Variants in ANP32A observed in about 807,000 individuals in gnomAD.
ANP32A encodes acidic leucine-rich nuclear phosphoprotein 32 family member A.
Under a neutral mutation model 33.9 loss-of-function variants are expected in ANP32A, and 1 was observed. That is an observed-to-expected ratio of 0.03 (90% confidence interval 0.01 to 0.14). The LOEUF (loss-of-function observed/expected upper bound fraction) is 0.14, where lower values mean the gene tolerates loss of function less well. ANP32A is among the 10% of genes least tolerant of loss of function. The pLI, the probability that ANP32A is intolerant of heterozygous loss-of-function variation, is 1.00. For missense variants in ANP32A, 155 were observed against 306.0 expected (o/e 0.51, Z 3.68); for synonymous variants, 115 against 120.5 (o/e 0.95, Z 0.30).
At position 68,787,400 on chromosome 15, in the gene ANP32A, C is replaced by A. The variant is rs747350590; in HGVS notation, c.327+13G>T. 6.2e-7 allele frequency: 1 copy of A among 1,613,996 alleles called. No homozygotes were observed. Among genetic ancestry groups the A allele is most frequent in the Admixed American group, 1.7e-5 (1 of 60,002 alleles). Reference sequence around the variant, plus strand: ...CCTACCCCTGCAGGGAGGGGAGGGTCCGAATGACTTACCAGTGGCTCTATT... The same window carrying A: ...CCTACCCCTGCAGGGAGGGGAGGGTACGAATGACTTACCAGTGGCTCTATT... On this transcript the variant is annotated intron_variant, in intron 3 of 6. Transcript: ENST00000465139.
rs114502252 is a variant in ANP32A, at chr15:68,796,771, G to A, written c.55-8852C>T. On this transcript the variant is annotated intron_variant, in intron 1 of 6. Coordinates refer to ENST00000465139, the MANE Select transcript of ANP32A (RefSeq NM_006305.4). ...GCCGCTAACTTGCTGTGTGACCTTC[G>A]GGAAGTCACTACCACTCTCTGGGCT... Among the ~76,000 whole-genome samples, 1,000 of 152,274 alleles carry A rather than the reference G, an allele frequency of 6.6e-3. 16 individuals are homozygous for A. The highest frequency in any genetic ancestry group is 0.023 in the African/African-American group (955 of 41,556).
At chr15:68,800,754 A>AAAAAAAAAAG (rs769179889) in intron 1 of ANP32A, among the ~76,000 whole-genome samples, 1 of 149,344 alleles carries the variant, frequency 6.7e-6, no homozygotes, top group Non-Finnish European at 1.5e-5. Flanking sequence ...AAAAAAAAAA[A>AAAAAAAAAAG]AAAGAAAGAA....
At position 68,806,661 on chromosome 15, in the gene ANP32A, A is replaced by G. The variant is rs1894231560; in HGVS notation, c.54+14037T>C. 1.3e-5 allele frequency among the ~76,000 whole-genome samples: 2 copies of G among 152,232 alleles called. 1 individual carries two copies. The highest frequency in any genetic ancestry group is 4.1e-4 in the South Asian group (2 of 4,834). ...AACTGCTCATTATGGCTTCAGGCCA[A>G]CCTCTGCAGATAGGCTTCATCAGGC... is the stretch of plus-strand genomic sequence containing the variant. On this transcript the variant is annotated intron_variant, in intron 1 of 6. Transcript: ENST00000465139.
At chr15:68,815,345 G>A (rs1391422721) in intron 1 of ANP32A, among the ~76,000 whole-genome samples, 1 of 152,104 alleles carries the variant, frequency 6.6e-6, no homozygotes, top group Non-Finnish European at 1.5e-5. Flanking sequence ...TTTATAACAA[G>A]AGAAAAATCT....
chr15:68,784,548 T>C lies in ANP32A; in HGVS notation c.375A>G (p.Val125=). 1 of 1,614,194 alleles carries C rather than the reference T, an allele frequency of 6.2e-7. No homozygotes were observed. Among genetic ancestry groups the C allele is most frequent in the South Asian group, 1.1e-5 (1 of 91,084 alleles). The change falls in exon 4 of 7, where the codon GTA becomes GTG. Residue 125 remains valine (V), a synonymous_variant. Transcript: ENST00000465139. ...TTTCTCGGTAGTCGTTCAGGTTGGTTACCTCGCAATTGAAAAGGTCTAAGC... is the reference window on the plus strand; with the variant it reads ...TTTCTCGGTAGTCGTTCAGGTTGGTCACCTCGCAATTGAAAAGGTCTAAGC... ...LKSLDLFNCE[V]TNLNDYRENV...
intron 3 of ANP32A, among the ~76,000 whole-genome samples, chr15:68,786,190 G>A (rs976957115): frequency 1.3e-4 from 19 of 151,138 alleles, no homozygotes; most frequent in Non-Finnish European, 2.5e-4. Context: ...TTTGGCAAAC[G>A]TGGCCAATTG....
At chr15:68,796,992 C>T (rs550884340) in intron 1 of ANP32A, among the ~76,000 whole-genome samples, 3 of 152,162 alleles carry the variant, frequency 2.0e-5, no homozygotes, top group East Asian at 1.9e-4. Flanking sequence ...CTGAGGGATG[C>T]CAGGAAGGAA....
At chr15:68,813,947 G>A (rs1894346211) in intron 1 of ANP32A, among the ~76,000 whole-genome samples, 2 of 133,620 alleles carry the variant, frequency 1.5e-5, no homozygotes, top group Admixed American at 1.8e-4. Context: ...TCTGCTCACT[G>A]CAAGTTCTGC....
intron 1 of ANP32A, among the ~76,000 whole-genome samples, chr15:68,795,106 TC>T (rs1894046695): frequency 6.6e-6 from 1 of 151,936 alleles, no homozygotes; most frequent in Non-Finnish European, 1.5e-5. Context: ...AGAACTCACA[TC>T]CCCAGTGGAA....
At chr15:68,786,478 T>C (rs1045106568) in intron 3 of ANP32A, among the ~76,000 whole-genome samples, 1 of 152,080 alleles carries the variant, frequency 6.6e-6, no homozygotes, top group Non-Finnish European at 1.5e-5. Flanking sequence ...CAGGCTGGTC[T>C]CAAACTCTTG....
chr15:68,782,939 C>T lies in ANP32A; in HGVS notation c.624+17G>A, dbSNP rs182440553. The T allele has an allele frequency of 1.9e-6, 3 of 1,551,306 alleles. No homozygotes were observed. ...CAAAGGGGCAGACGGTGGCCCTGCC[C>T]AGCCCAGCCTCCTTACCTCCTCCTC... On this transcript the variant is annotated intron_variant, in intron 5 of 6. Coordinates refer to ENST00000465139, the MANE Select transcript of ANP32A (RefSeq NM_006305.4).
chr15:68,815,745 G>A (rs1416672195), intron 1 of ANP32A, among the ~76,000 whole-genome samples: 2 of 152,168 alleles, frequency 1.3e-5, no homozygotes, highest in Non-Finnish European at 2.9e-5. Flanking sequence ...TTTGCAGTGC[G>A]AGAACCCGGC....
At chr15:68,806,337 T>C (rs1208438652) in intron 1 of ANP32A, among the ~76,000 whole-genome samples, 2 of 152,158 alleles carry the variant, frequency 1.3e-5, no homozygotes, top group Non-Finnish European at 2.9e-5. Flanking sequence ...TATCCAACCC[T>C]GCCACTCCTG....
intron 1 of ANP32A, chr15:68,790,476 T>C (rs555893904): frequency 6.6e-6 from 1 of 152,340 alleles, no homozygotes; most frequent in East Asian, 1.9e-4. Context: ...CCCTGGCTCC[T>C]ACCACAACAC....
intron 1 of ANP32A, among the ~76,000 whole-genome samples, chr15:68,814,472 A>C (rs1434154993): frequency 4.0e-5 from 6 of 151,776 alleles, no homozygotes; most frequent in Non-Finnish European, 1.5e-5. Context: ...AAAAAGAAAG[A>C]TGGCCAACTG....
rs1893850547 is a variant in ANP32A, at chr15:68,780,274, G to A, written c.689-132C>T. 6.4e-7 allele frequency: 1 copy of A among 1,562,488 alleles called. No homozygotes were observed. The highest frequency in any genetic ancestry group is 1.9e-5 in the Admixed American group (1 of 51,830). On this transcript the variant is annotated intron_variant, in intron 6 of 6. Coordinates refer to ENST00000465139, the MANE Select transcript of ANP32A (RefSeq NM_006305.4). The surrounding 1 kb of genome is among the most constrained non-coding windows in gnomAD (Gnocchi z 4.3). ...CCTTGGAAACCGAGGCAAGACATCT[G>A]CACAGCTGGAAGGGGAATCTGAGGC... is the stretch of plus-strand genomic sequence containing the variant.
At chr15:68,811,269 C>T (rs759661269) in intron 1 of ANP32A, among the ~76,000 whole-genome samples, 5 of 151,928 alleles carry the variant, frequency 3.3e-5, no homozygotes, top group South Asian at 2.1e-4. Flanking sequence ...GTAACTACAG[C>T]GCAACACGGG....
chr15:68,781,393 C>A (rs566707985), intron 5 of ANP32A: 1 of 151,254 alleles, frequency 6.6e-6, no homozygotes, highest in East Asian at 1.9e-4. Context: ...TCCCCACCCC[C>A]CCAAACCTCA....
intron 1 of ANP32A, among the ~76,000 whole-genome samples, chr15:68,799,560 A>T (rs1181698725): frequency 6.6e-6 from 1 of 152,198 alleles, no homozygotes; most frequent in Non-Finnish European, 1.5e-5. Flanking sequence ...ACAATGTAAA[A>T]AGGAACTTAA....
Sources: gnomAD v4.1 joint callset for allele counts (sites outside exome capture counted in the v4.1 genomes callset) on GRCh38, gnomAD v4.1.1 for gene constraint, Gnocchi (gnomAD v3.1) non-coding constraint, MANE v1.5 for transcripts, NCBI Gene and HGNC (gene_info 2026-07-23, HGNC 2026-07-21) for gene names.